The following SCAF11 variants were observed in gnomAD, a reference collection of about 807,000 sequenced individuals.
SCAF11 encodes protein SCAF11.
A neutral mutation model predicts 140.5 loss-of-function variants in SCAF11; 47 were observed. The observed-to-expected ratio is 0.33, with a 90% CI of 0.26 to 0.43. The LOEUF is 0.43. Among genes scored for constraint, SCAF11 ranks in the 20% least tolerant of loss-of-function variants. The probability of loss-of-function intolerance (pLI) is 1.00; values close to 1 mark genes in which losing one functional copy is unlikely to be tolerated. For synonymous variants in SCAF11, 557 were observed against 579.4 expected (o/e 0.96, Z 0.55); for missense variants, 1,645 against 1,705.1 (o/e 0.96, Z 0.62).
chr12:45,928,269 A>G lies in SCAF11; in HGVS notation c.1432T>C (p.Cys478Arg), dbSNP rs1370173859. The G allele has an allele frequency of 3.1e-6, 5 of 1,613,896 alleles. No homozygotes were observed. Among genetic ancestry groups the G allele is most frequent in the Non-Finnish European group, 4.2e-6 (5 of 1,180,004 alleles). ...ACTAGCACAGGAAGATCTTGAGCACAAGACTCAGAAGATGAAGATCCTACT... is the reference window on the plus strand; with the variant it reads ...ACTAGCACAGGAAGATCTTGAGCACGAGACTCAGAAGATGAAGATCCTACT... Reference protein sequence around the residue: ...ERVGSSSSESCAQDLPVLVGE... With the variant: ...ERVGSSSSESRAQDLPVLVGE... The change falls in exon 11 of 15, where the codon TGT becomes CGT. Residue 478 changes from cysteine to arginine, a missense_variant. This residue lies in a region of SCAF11 where 1,582 missense variants were observed against 1,609.2 expected (regional missense o/e 0.98). Coordinates refer to ENST00000369367, the MANE Select transcript of SCAF11 (RefSeq NM_004719.3).
At chr12:45,950,744 A>T (rs994371733) in intron 4 of SCAF11, among the ~76,000 whole-genome samples, 1 of 152,184 alleles carries the variant, frequency 6.6e-6, no homozygotes, top group Non-Finnish European at 1.5e-5. Flanking sequence ...TGGTAAAAAT[A>T]TATCAAAACA....
chr12:45,957,840 T>C (rs1270943337), intron 3 of SCAF11, among the ~76,000 whole-genome samples: 1 of 152,148 alleles, frequency 6.6e-6, no homozygotes, highest in Non-Finnish European at 1.5e-5. Flanking sequence ...GACCTTATTT[T>C]AAGGGCCAAA....
Position 45,927,256 on chromosome 12 carries a change from C to T in SCAF11, c.2445G>A (p.Gln815=). ...KDTPQEKKRP[Q]SPSPRRETGK... is the part of the protein sequence containing the mutation. ...CAGTTTCTCTTCTGGGAGATGGAGACTGGGGCCGCTTCTTTTCTTGTGGAG... is the reference window on the plus strand; with the variant it reads ...CAGTTTCTCTTCTGGGAGATGGAGATTGGGGCCGCTTCTTTTCTTGTGGAG... The change falls in exon 11 of 15, where the codon CAG becomes CAA. Residue 815 remains glutamine (Q), a synonymous_variant. Coordinates refer to ENST00000369367, the MANE Select transcript of SCAF11 (RefSeq NM_004719.3). 1.9e-6 allele frequency: 3 copies of T among 1,613,904 alleles called. No individual in the cohort carries two copies. The highest frequency in any genetic ancestry group is 2.5e-6 in the Non-Finnish European group (3 of 1,179,968).
intron 3 of SCAF11, 108 bp from the exon 4 acceptor site, chr12:45,951,835 GA>G: frequency 1.5e-6 from 1 of 682,024 alleles, no homozygotes; most frequent in Non-Finnish European, 2.4e-6. Flanking sequence ...ATCTTCGAAA[GA>G]AAAAAATATT....
At chr12:45,931,249 T>C (rs952275174) in intron 10 of SCAF11, 16 of 210,906 alleles carry the variant, frequency 7.6e-5, no homozygotes, top group Non-Finnish European at 1.4e-4. Flanking sequence ...TTTCCTTCTT[T>C]TTGTGGCAGA....
chr12:45,961,793 T>A lies in SCAF11; in HGVS notation c.126A>T (p.Pro42=). The change falls in exon 3 of 15, where the codon CCA becomes CCT. Residue 42 remains proline, a synonymous_variant. Coordinates refer to ENST00000369367, the MANE Select transcript of SCAF11 (RefSeq NM_004719.3). ...TTTCTAATAGACAATTAAGACATAT[T>A]GGGCATCTGTCAGCCTCACTGTACA... ...GLLYSEADRC[P]ICLNCLLEKE... is the part of the protein sequence containing the mutation. 6.2e-7 allele frequency: 1 copy of A among 1,612,914 alleles called. No individual in the cohort carries two copies. Among genetic ancestry groups the A allele is most frequent in the Non-Finnish European group, 8.5e-7 (1 of 1,179,098 alleles).
At chr12:45,979,347 G>C (rs961124162) in intron 1 of SCAF11, among the ~76,000 whole-genome samples, 19 of 151,858 alleles carry the variant, frequency 1.3e-4, no homozygotes, top group Non-Finnish European at 2.4e-4. Context: ...GAGAATTAGT[G>C]AAAATAAATG....
Position 45,928,616 on chromosome 12 carries a change from G to T in SCAF11, c.1085C>A (p.Ala362Asp). 1.2e-6 allele frequency: 2 copies of T among 1,614,082 alleles called. No homozygotes were observed. The highest frequency in any genetic ancestry group is 2.7e-5 in the African/African-American group (2 of 75,016). ...SNPSLSVPSSAESEKQTRQAP... is the reference protein window; with the variant it reads ...SNPSLSVPSSDESEKQTRQAP... ...CTGTCTTGTTTGCTTTTCTGACTCA[G>T]CTGAAGAGGGAACACTTAAAGATGG... is the stretch of plus-strand genomic sequence containing the variant. Residue 362 changes from alanine to aspartate, a missense_variant, in exon 11 of 15, where the codon GCT becomes GAT. Ala to Asp is a moderately radical substitution (Grantham distance 126, BLOSUM62 -2). Around this residue, in one of 2 missense-constraint regions of SCAF11, gnomAD observed 1,582 missense variants for 1,609.2 expected, o/e 0.98. Coordinates refer to ENST00000369367, the MANE Select transcript of SCAF11 (RefSeq NM_004719.3).
intron 3 of SCAF11, among the ~76,000 whole-genome samples, chr12:45,954,456 T>C (rs1945629331): frequency 6.6e-6 from 1 of 152,094 alleles, no homozygotes; most frequent in South Asian, 2.1e-4. Flanking sequence ...AGGGTGGTCT[T>C]GGACTCCTGG....
chr12:45,964,120 A>G lies in SCAF11; in HGVS notation c.48T>C (p.Tyr16=), dbSNP rs774394444. ...ATGAAAAGTTACCTTCCATGTCTTCATACTTCTTATCTCCCATATTTAGGG... is the reference window on the plus strand; with the variant it reads ...ATGAAAAGTTACCTTCCATGTCTTCGTACTTCTTATCTCCCATATTTAGGG... ...VCTLNMGDKK[Y]EDMEGEENGD... The change falls in exon 2 of 15, where the codon TAT becomes TAC. Residue 16 remains tyrosine, a synonymous_variant. Coordinates refer to ENST00000369367, the MANE Select transcript of SCAF11 (RefSeq NM_004719.3). 1 of 1,522,346 alleles carries G rather than the reference A, an allele frequency of 6.6e-7. No homozygotes were observed. Among genetic ancestry groups the G allele is most frequent in the Non-Finnish European group, 9.0e-7 (1 of 1,105,954 alleles). The allele number at this position is 1,522,346 out of a possible 1,614,324, so 94.3% of individuals were successfully genotyped here.
intron 1 of SCAF11, among the ~76,000 whole-genome samples, chr12:45,973,280 T>C (rs1241053266): frequency 2.1e-5 from 3 of 145,892 alleles, no homozygotes; most frequent in Non-Finnish European, 4.5e-5. Context: ...GAGAAAAACA[T>C]TGAAAAAAAA....
At chr12:45,989,083 G>A (rs1470749892) in intron 1 of SCAF11, among the ~76,000 whole-genome samples, 1 of 152,036 alleles carries the variant, frequency 6.6e-6, no homozygotes, top group Non-Finnish European at 1.5e-5. Context: ...CAAAGAAACA[G>A]GAAAGAGAAA....
intron 1 of SCAF11, among the ~76,000 whole-genome samples, chr12:45,980,124 G>A (rs1228966776): frequency 6.6e-6 from 1 of 151,426 alleles, no homozygotes; most frequent in African/African-American, 2.4e-5. Flanking sequence ...TAAGTAACAT[G>A]CCCAAGATCG....
At chr12:45,937,948 C>T (rs1011390311) in intron 6 of SCAF11, among the ~76,000 whole-genome samples, 3 of 152,174 alleles carry the variant, frequency 2.0e-5, no homozygotes, top group African/African-American at 4.8e-5. Flanking sequence ...TTTTCCAAAA[C>T]CACCCCATAT....
intron 6 of SCAF11, among the ~76,000 whole-genome samples, chr12:45,939,197 A>C (rs1472285769): frequency 6.6e-6 from 1 of 151,826 alleles, no homozygotes; most frequent in Non-Finnish European, 1.5e-5. Flanking sequence ...CTTCCAGTAA[A>C]ACCATCTATT....
intron 3 of SCAF11, among the ~76,000 whole-genome samples, chr12:45,959,718 CATG>C (rs1945780152): frequency 1.3e-5 from 2 of 152,202 alleles, no homozygotes; most frequent in African/African-American, 4.8e-5. Context: ...ACTTAGTCTA[CATG>C]ATTTTTTTAG....
rs914608179 is a variant in SCAF11 at position 45,928,298 on chromosome 12, T to G, written c.1403A>C (p.Glu468Ala). 5.0e-6 allele frequency: 8 copies of G among 1,614,014 alleles called. No individual in the cohort carries two copies. The highest frequency in any genetic ancestry group is 6.8e-6 in the Non-Finnish European group (8 of 1,179,990). ...EKHTANYDTE[E>A]RVGSSSSESC... ...CTCAGAAGATGAAGATCCTACTCTT[T>G]CCTCTGTATCATAATTTGCAGTATG... is the stretch of plus-strand genomic sequence containing the variant. Residue 468 changes from glutamate (E) to alanine (A), a missense_variant, in exon 11 of 15, where the codon GAA (glutamate) becomes GCA (alanine). By Grantham distance (107) the Glu-to-Ala change is moderately radical. Around this residue, in one of 2 missense-constraint regions of SCAF11, gnomAD observed 1,582 missense variants for 1,609.2 expected, o/e 0.98. Transcript: ENST00000369367.
In SCAF11 at chr12:45,919,242, T is replaced by C. The variant is rs1421953211; in HGVS notation, c.*2806A>G. 1.3e-5 allele frequency: 2 copies of C among 152,252 alleles called. No homozygotes were observed. Among genetic ancestry groups the C allele is most frequent in the African/African-American group, 4.8e-5 (2 of 41,454 alleles). The allele number at this position is 152,252 out of a possible 1,614,324, so 9.4% of individuals were successfully genotyped here. ...ACTTCATAATACAAACAATATCTCA[T>C]GGACCCTGGGGCAATCACTGTGCTT... On this transcript the variant is annotated 3_prime_UTR_variant, in exon 15 of 15. Transcript: ENST00000369367.
chr12:45,923,277 CA>C (rs1944760995), intron 12 of SCAF11, 123 bp from the exon 13 acceptor site: 1 of 730,574 alleles, frequency 1.4e-6, no homozygotes, highest in Non-Finnish European at 2.2e-6. Flanking sequence ...AAGAAAAATG[CA>C]TATTTCAGGT....
Sources: allele counts gnomAD v4.1 joint callset (sites outside exome capture counted in the v4.1 genomes callset), GRCh38; gene constraint gnomAD v4.1.1; regional missense constraint gnomAD v4.1.1; transcripts MANE v1.5; gene names NCBI Gene and HGNC (gene_info 2026-07-23, HGNC 2026-07-21).